AGA: variants seen among roughly 807,000 people sequenced by gnomAD.
The protein encoded by AGA is aspartylglucosaminidase.
Under a neutral mutation model 40.1 loss-of-function variants are expected in AGA, and 31 were observed. The ratio of observed to expected loss-of-function variants is 0.77; its 90% CI spans 0.58 to 1.04. AGA has a LOEUF of 1.04. Ranked by LOEUF, AGA falls within the 50% of genes least tolerant of loss-of-function variation. The probability of loss-of-function intolerance (pLI) is 0.00; values close to 1 mark genes in which losing one functional copy is unlikely to be tolerated. For missense variants in AGA, 445 were observed against 435.4 expected (o/e 1.02, Z -0.20); for synonymous variants, 148 against 144.0 (o/e 1.03, Z -0.20).
chr4:177,432,184 C>G (rs1313214903), intron 8 of AGA, among the ~76,000 whole-genome samples: 1 of 152,148 alleles, frequency 6.6e-6, no homozygotes, highest in Non-Finnish European at 1.5e-5. Flanking sequence ...TCATTCATAA[C>G]CCCATACCCC....
Position 177,431,213 on chromosome 4 carries a change from G to A in AGA, c.*495C>T. 1 of 440,848 alleles carries A rather than the reference G, an allele frequency of 2.3e-6. No homozygotes were observed. The highest frequency in any genetic ancestry group is 4.5e-6 in the Non-Finnish European group (1 of 222,648). 27.3% of individuals were successfully genotyped at this position (440,848 alleles called of 1,614,324 possible). The stretch of plus-strand genomic sequence containing the variant: ...ATGTTCTATCATCTTCCTTCCTCAA[G>A]TTTTTAGGGAATATTAAGTAAAACC... On this transcript the variant is annotated 3_prime_UTR_variant, in exon 9 of 9. Transcript: ENST00000264595.
chr4:177,439,553 T>A, intron 3 of AGA, 23 bp downstream of exon 3: 1 of 1,540,986 alleles, frequency 6.5e-7, no homozygotes, highest in East Asian at 2.2e-5. Context: ...CTAGAAAAAA[T>A]TTCAGTGTAG....
intron 7 of AGA, among the ~76,000 whole-genome samples, chr4:177,433,585 T>G (rs974851362): frequency 6.6e-6 from 1 of 152,364 alleles, no homozygotes; most frequent in East Asian, 1.9e-4. Flanking sequence ...ATTTTTGGCT[T>G]TGGCTGAATA....
intron 3 of AGA, among the ~76,000 whole-genome samples, chr4:177,439,086 A>G (rs777100147): frequency 1.3e-5 from 2 of 152,112 alleles, no homozygotes; most frequent in Non-Finnish European, 2.9e-5. Context: ...CATGCATTAT[A>G]AGAGTTCTCG....
Position 177,431,747 on chromosome 4 carries a change from T to C in AGA, c.1002A>G (p.Glu334=). The C allele has an allele frequency of 6.2e-7, 1 of 1,613,940 alleles. No homozygotes were observed. The highest frequency in any genetic ancestry group is 8.5e-7 in the Non-Finnish European group (1 of 1,179,858). Residue 334 remains glutamate, a synonymous_variant, in exon 9 of 9, where the codon GAA becomes GAG. Transcript: ENST00000264595. ...TQFSFMVYNS[E]KNQPTEEKVD... ...CTTTTTCCTCAGTTGGCTGATTTTT[T>C]TCGGAATTATAAACCATGAAACTAA...
chr4:177,432,390 C>T (rs1479113537), intron 8 of AGA, among the ~76,000 whole-genome samples: 1 of 152,044 alleles, frequency 6.6e-6, no homozygotes, highest in Non-Finnish European at 1.5e-5. Context: ...TCTGTTAAAT[C>T]CAACTTTGAG....
At chr4:177,432,559 G>A (rs912209101) in intron 8 of AGA, among the ~76,000 whole-genome samples, 1 of 152,060 alleles carries the variant, frequency 6.6e-6, no homozygotes, top group Non-Finnish European at 1.5e-5. Flanking sequence ...TAGAACTGTG[G>A]GAAGTAAAAG....
In AGA at chr4:177,431,755, T is replaced by A; in HGVS notation, c.994A>T (p.Asn332Tyr). ...TCAGTTGGCTGATTTTTTTCGGAATTATAAACCATGAAACTAAACTGAGTA... is the reference window on the plus strand; with the variant it reads ...TCAGTTGGCTGATTTTTTTCGGAATAATAAACCATGAAACTAAACTGAGTA... ...TFTQFSFMVY[N>Y]SEKNQPTEEK... The change falls in exon 9 of 9, where the codon AAT becomes TAT. Residue 332 changes from asparagine to tyrosine, a missense_variant. Coordinates refer to ENST00000264595, the MANE Select transcript of AGA (RefSeq NM_000027.4). 1 of 1,613,946 alleles carries A rather than the reference T, an allele frequency of 6.2e-7. No homozygotes were observed. Among genetic ancestry groups the A allele is most frequent in the Non-Finnish European group, 8.5e-7 (1 of 1,179,878 alleles).
chr4:177,439,512 C>G, intron 3 of AGA, 64 bp downstream of exon 3: 1 of 1,188,062 alleles, frequency 8.4e-7, no homozygotes, highest in Non-Finnish European at 1.3e-6. Context: ...TGATTTTGTA[C>G]TATTTTTCAG....
Position 177,442,408 on chromosome 4 carries a change from G to A in AGA, c.-33C>T. 7.4e-6 allele frequency: 12 copies of A among 1,613,604 alleles called. No homozygotes were observed. Among genetic ancestry groups the A allele is most frequent in the Non-Finnish European group, 1.0e-5 (12 of 1,179,752 alleles). On this transcript the variant is annotated 5_prime_UTR_variant, in exon 1 of 9. Transcript: ENST00000264595. Reference sequence around the variant, plus strand: ...CACCGAAGAGACCAGCGCGAGAAAAGTCCCGGCAGCCAGCGATCGCCGAAC... The same window carrying A: ...CACCGAAGAGACCAGCGCGAGAAAAATCCCGGCAGCCAGCGATCGCCGAAC...
chr4:177,435,412 G>A (rs1375100589), intron 6 of AGA, among the ~76,000 whole-genome samples: 1 of 152,024 alleles, frequency 6.6e-6, no homozygotes, highest in Non-Finnish European at 1.5e-5. Context: ...TATATACCAG[G>A]ATGGCACAGA....
chr4:177,433,258 T>G lies in AGA; in HGVS notation c.896A>C (p.Glu299Ala). ...GGCACATATAACAGCCCCAAAGAATTCTGGAAAATGCTTCTGGATTCTTGA... is the reference window on the plus strand; with the variant it reads ...GGCACATATAACAGCCCCAAAGAATGCTGGAAAATGCTTCTGGATTCTTGA... ...VISRIQKHFP[E>A]FFGAVICANV... is the part of the protein sequence containing the mutation. The change falls in exon 8 of 9, where the codon GAA becomes GCA. Residue 299 changes from glutamate to alanine, a missense_variant. By Grantham distance (107) the Glu-to-Ala change is moderately radical (BLOSUM62 -1). Coordinates refer to ENST00000264595, the MANE Select transcript of AGA (RefSeq NM_000027.4). 2 of 1,614,092 alleles carry G rather than the reference T, an allele frequency of 1.2e-6. No individual in the cohort carries two copies. Among genetic ancestry groups the G allele is most frequent in the Non-Finnish European group, 1.7e-6 (2 of 1,179,994 alleles).
rs765070743 is a variant in AGA at position 177,439,651 on chromosome 4, G to A, written c.319C>T (p.Arg107Ter). Residue 107 changes from arginine (R) to a stop codon, truncating the protein, a stop_gained, in exon 3 of 9, where the codon CGA becomes TGA. Transcript: ENST00000264595. LOFTEE classifies it high-confidence loss of function. The stretch of plus-strand genomic sequence containing the variant: ...GCCACACCAATAGCATTTTTAATTC[G>A]TCTGAGATCTCCTACTGCTCCTACA... ...MDVGAVGDLR[R>*]IKNAIGVARK... 17 of 1,613,772 alleles carry A rather than the reference G, an allele frequency of 1.1e-5. No individual in the cohort carries two copies. The highest frequency in any genetic ancestry group is 2.7e-5 in the African/African-American group (2 of 74,864).
intron 6 of AGA, 72 bp from the exon 7 acceptor site, chr4:177,434,561 A>G: frequency 7.9e-7 from 1 of 1,263,944 alleles, no homozygotes; most frequent in South Asian, 1.2e-5. Flanking sequence ...GCTGTTCCAA[A>G]TAAGGGATAG....
intron 1 of AGA, among the ~76,000 whole-genome samples, chr4:177,440,971 G>C (rs544027282): frequency 6.6e-6 from 1 of 152,132 alleles, no homozygotes; most frequent in South Asian, 2.1e-4. Flanking sequence ...GTACAATCAC[G>C]ACCCTCATTT....
chr4:177,435,612 C>T (rs76669671), intron 6 of AGA, among the ~76,000 whole-genome samples: 1 of 152,054 alleles, frequency 6.6e-6, no homozygotes, highest in Non-Finnish European at 1.5e-5. Flanking sequence ...ATCCAGAATG[C>T]CTTCAACTGA....
rs1316730008 is a variant in AGA at position 177,430,952 on chromosome 4, T to A, written c.*756A>T. On this transcript the variant is annotated 3_prime_UTR_variant, in exon 9 of 9. Coordinates refer to ENST00000264595, the MANE Select transcript of AGA (RefSeq NM_000027.4). ...CCCATTTCTTGACTTCTAATTGCCA[T>A]ACCCACCTCTGCACAAGGAATTAGT... The A allele has an allele frequency of 2.2e-6, 1 of 454,070 alleles. No individual in the cohort carries two copies. The highest frequency in any genetic ancestry group is 7.0e-5 in the East Asian group (1 of 14,388). 28.1% of individuals were successfully genotyped at this position (454,070 alleles called of 1,614,324 possible). A position where few individuals can be genotyped will look rare whatever the true frequency, so the allele number is the denominator to read the frequency against.
At position 177,438,802 on chromosome 4, in the gene AGA, A is replaced by G; in HGVS notation, c.450T>C (p.Ala150=). ...GCCAATCTGAATGAAGAGCTTGAGA[A>G]GCAGTGGTAGATAAGTCTTCATTGA... ...GFINEDLSTT[A]SQALHSDWLA... The change falls in exon 4 of 9, where the codon GCT becomes GCC. Residue 150 remains alanine (A), a synonymous_variant. Transcript: ENST00000264595. The G allele has an allele frequency of 6.2e-7, 1 of 1,612,246 alleles. No homozygotes were observed. Among genetic ancestry groups the G allele is most frequent in the Non-Finnish European group, 8.5e-7 (1 of 1,178,236 alleles).
chr4:177,438,052 G>A (rs2111016858), intron 4 of AGA, among the ~76,000 whole-genome samples: 1 of 152,218 alleles, frequency 6.6e-6, no homozygotes, highest in East Asian at 1.9e-4. Context: ...ATAAATTTAG[G>A]TTGTGTATGT....
Sources: gnomAD v4.1 joint callset for allele counts (sites outside exome capture counted in the v4.1 genomes callset) on GRCh38, gnomAD v4.1.1 for gene constraint, MANE v1.5 for transcripts, NCBI Gene and HGNC (gene_info 2026-07-23, HGNC 2026-07-21) for gene names.